RNF17: variants seen among roughly 807,000 people sequenced by gnomAD.
The protein encoded by RNF17 is spermatogenesis associated 23.
In RNF17, 31 loss-of-function variants were observed where a neutral mutation model predicts 200.5. The observed-to-expected ratio is 0.15, with a 90% confidence interval of 0.12 to 0.21. The LOEUF (loss-of-function observed/expected upper bound fraction) is 0.21, where lower values mean the gene tolerates loss of function less well. RNF17 is among the 10% of genes least tolerant of loss of function. The pLI is 1.00. For synonymous variants in RNF17, 606 were observed against 637.8 expected (o/e 0.95, Z 0.75); for missense variants, 1,628 against 1,905.1 (o/e 0.85, Z 2.71).
In RNF17 at chr13:24,812,506, C is replaced by T. The variant is rs569958518; in HGVS notation, c.2091+8077C>T. 9.2e-5 allele frequency among the ~76,000 whole-genome samples: 14 copies of T among 152,246 alleles called. No homozygotes were observed. The East Asian group carries it at 2.5e-3, about 27-fold the overall frequency. On this transcript the variant is annotated intron_variant, in intron 15 of 35. Transcript: ENST00000255324. ...ATGCCTCGCCCTGCTTCGGCTCACGCATGGTGCATGCACCCACTGACCTGC... is the reference window on the plus strand; with the variant it reads ...ATGCCTCGCCCTGCTTCGGCTCACGTATGGTGCATGCACCCACTGACCTGC...
At chr13:24,885,364 A>G in the RNF17 span, 7 of 1,613,758 alleles carry the variant, frequency 4.3e-6, no homozygotes, top group African/African-American at 2.7e-5. Flanking sequence ...CAGTGGTTCA[A>G]GTGGCTCCCT....
chr13:24,857,368 C>T (rs533906254), intron 25 of RNF17, among the ~76,000 whole-genome samples: 1 of 152,134 alleles, frequency 6.6e-6, no homozygotes, highest in African/African-American at 2.4e-5. Context: ...GAACTTAGGC[C>T]ACCAGTGATT....
Position 24,825,709 on chromosome 13 carries a change from G to T in RNF17, c.2182G>T (p.Val728Phe). ...AGAAAATCTGGAAATCCTCTGTCCA[G>T]TTCAAGATCAAGCCTGTGTAGCTAA... The part of the protein sequence containing the change: ...DGENLEILCP[V>F]QDQACVAKFE... Residue 728 changes from valine (V) to phenylalanine (F), a missense_variant, in exon 16 of 36, where the codon GTT becomes TTT. Val to Phe is a conservative substitution (Grantham distance 50). Coordinates refer to ENST00000255324, the MANE Select transcript of RNF17 (RefSeq NM_031277.3). 6.2e-7 allele frequency: 1 copy of T among 1,613,670 alleles called. No homozygotes were observed. Among genetic ancestry groups the T allele is most frequent in the African/African-American group, 1.3e-5 (1 of 75,032 alleles).
the RNF17 span, chr13:24,885,267 T>C: frequency 9.8e-6 from 15 of 1,538,068 alleles, no homozygotes; most frequent in South Asian, 1.6e-4. Flanking sequence ...TTCAAAAACA[T>C]TTTTTAACCT....
intron 33 of RNF17, among the ~76,000 whole-genome samples, chr13:24,875,881 G>A (rs1451695255): frequency 3.9e-5 from 6 of 152,182 alleles, no homozygotes; most frequent in Non-Finnish European, 7.3e-5. Context: ...GAAAGTTAGC[G>A]GAAGCTTTAG....
intron 25 of RNF17, among the ~76,000 whole-genome samples, chr13:24,858,695 A>G (rs1892779510): frequency 6.6e-6 from 1 of 152,014 alleles, no homozygotes; most frequent in East Asian, 1.9e-4. Flanking sequence ...AGTAGTATAT[A>G]ACCTGTGTCC....
At chr13:24,814,691 A>G (rs1037375787) in intron 15 of RNF17, among the ~76,000 whole-genome samples, 3 of 152,132 alleles carry the variant, frequency 2.0e-5, no homozygotes, top group Admixed American at 1.3e-4. Flanking sequence ...TGGACTTTCT[A>G]TTTTGTTCCA....
intron 32 of RNF17, among the ~76,000 whole-genome samples, chr13:24,871,581 G>A (rs969309634): frequency 3.3e-5 from 5 of 149,426 alleles, no homozygotes; most frequent in Admixed American, 2.0e-4. Context: ...CAAGTGAACC[G>A]CCCACCTTGA....
intron 6 of RNF17, among the ~76,000 whole-genome samples, chr13:24,784,101 T>A (rs1221279426): frequency 6.6e-6 from 1 of 152,232 alleles, no homozygotes; most frequent in African/African-American, 2.4e-5. Context: ...AGGTCCTTTT[T>A]CTGCATCAAT....
At chr13:24,812,537 CT>C (rs1886808629) in intron 15 of RNF17, among the ~76,000 whole-genome samples, 1 of 152,134 alleles carries the variant, frequency 6.6e-6, no homozygotes, top group African/African-American at 2.4e-5. Context: ...CCTGCGCCCA[CT>C]GTCTGGCACT....
At chr13:24,841,982 C>T in intron 18 of RNF17, 59 bp from the exon 19 acceptor site, 6 of 1,506,140 alleles carry the variant, frequency 4.0e-6, no homozygotes, top group Non-Finnish European at 5.4e-6. Flanking sequence ...AAAAAATTGC[C>T]TCATTTACTA....
intron 32 of RNF17, among the ~76,000 whole-genome samples, chr13:24,871,987 A>G (rs1182124701): frequency 3.1e-5 from 2 of 65,368 alleles, no homozygotes; most frequent in East Asian, 4.5e-4. Flanking sequence ...TTTTTTTTGA[A>G]GACGGAGTTT....
At position 24,802,420 on chromosome 13, in the gene RNF17, A is replaced by G; in HGVS notation, c.1798A>G (p.Lys600Glu). The change falls in exon 14 of 36, where the codon AAA becomes GAA. Residue 600 changes from lysine (K) to glutamate (E), a missense_variant. Transcript: ENST00000255324. ...WEEEAKVEFLKMVNNKAVSMK... is the reference protein window; with the variant it reads ...WEEEAKVEFLEMVNNKAVSMK... ...AGAGGAAGCTAAAGTGGAATTTTTG[A>G]AAATGGTAAATAACAAGGCTGTTTC... The G allele has an allele frequency of 6.2e-7, 1 of 1,613,268 alleles. No homozygotes were observed. The highest frequency in any genetic ancestry group is 8.5e-7 in the Non-Finnish European group (1 of 1,179,730).
At chr13:24,883,411 A>G (rs1566275387), downstream of RNF17, 1 of 1,440,396 alleles carries the variant, frequency 6.9e-7, no homozygotes, top group South Asian at 1.3e-5. Context: ...AAAAAAAAAT[A>G]ATAGAAAATA....
In RNF17 at chr13:24,796,142, G is replaced by A. The variant is rs1449540484; in HGVS notation, c.1246G>A (p.Ala416Thr). 4 of 1,601,852 alleles carry A rather than the reference G, an allele frequency of 2.5e-6. No homozygotes were observed. The South Asian group carries it at 4.5e-5, about 18-fold the overall frequency. Residue 416 changes from alanine (A) to threonine (T), a missense_variant, in exon 11 of 36, where the codon GCA becomes ACA. By Grantham distance (58) the Ala-to-Thr change is moderately conservative. Around this residue, in one of 5 missense-constraint regions of RNF17, gnomAD observed 502 missense variants for 501.7 expected, o/e 1.00. Transcript: ENST00000255324. ...EIIEDNVESS[A>T]ELVFVSHVID... ...ACTTAAACATTTTTATCCAGGTTCT[G>A]CAGAGCTAGTTTTTGTAAGCCATGT...
chr13:24,795,201 G>C (rs1336373402), intron 10 of RNF17, among the ~76,000 whole-genome samples: 1 of 151,776 alleles, frequency 6.6e-6, no homozygotes, highest in Non-Finnish European at 1.5e-5. Flanking sequence ...ACTCCTCCTA[G>C]TCTTTGTTTT....
At position 24,854,135 on chromosome 13, in the gene RNF17, A is replaced by C. The variant is rs761723864; in HGVS notation, c.3601A>C (p.Lys1201Gln). The C allele has an allele frequency of 6.2e-7, 1 of 1,610,222 alleles. No homozygotes were observed. Among genetic ancestry groups the C allele is most frequent in the Admixed American group, 1.7e-5 (1 of 59,822 alleles). The change falls in exon 25 of 36, where the codon AAA (lysine) becomes CAA (glutamine). Residue 1201 changes from lysine (K) to glutamine (Q), a missense_variant. By Grantham distance (53) the Lys-to-Gln change is moderately conservative (BLOSUM62 1). Transcript: ENST00000255324. ...GDDGTIFVVP[K>Q]LSEFELIKMT... ...TGATGGAACTATATTTGTAGTACCT[A>C]AACTATCAGGTGAGACCTTCTATGT...
At chr13:24,762,145 A>C (rs1463188430), upstream of RNF17, among the ~76,000 whole-genome samples, 1 of 152,106 alleles carries the variant, frequency 6.6e-6, no homozygotes, top group Non-Finnish European at 1.5e-5. Context: ...TAAGGCGGGC[A>C]GACTGCCTGA....
rs748427637 is a variant in RNF17, at chr13:24,870,624, T to C, written c.4332T>C (p.Ser1444=). 1.2e-6 allele frequency: 2 copies of C among 1,614,094 alleles called. No homozygotes were observed. Among genetic ancestry groups the C allele is most frequent in the South Asian group, 2.2e-5 (2 of 91,074 alleles). Residue 1444 remains serine, a synonymous_variant, in exon 32 of 36, where the codon AGT becomes AGC. Transcript: ENST00000255324. The part of the protein sequence containing the change: ...IETSNQSNQH[S]DTDDSGVSGE... Reference sequence around the variant, plus strand: ...CTTCTAACCAGTCTAACCAGCATAGTGACACAGATGATAGTGGAGTCAGCG... The same window carrying C: ...CTTCTAACCAGTCTAACCAGCATAGCGACACAGATGATAGTGGAGTCAGCG...
Sources: allele counts gnomAD v4.1 joint callset (sites outside exome capture counted in the v4.1 genomes callset), GRCh38; gene constraint gnomAD v4.1.1; regional missense constraint gnomAD v4.1.1; transcripts MANE v1.5; gene names NCBI Gene and HGNC (gene_info 2026-07-23, HGNC 2026-07-21).